The following CDK6 variants were observed in gnomAD, a reference collection of about 807,000 sequenced individuals.
CDK6 encodes cyclin dependent kinase 6, also known as cyclin-dependent kinase 6.
A neutral mutation model predicts 37.1 loss-of-function variants in CDK6; 6 were observed. The ratio of observed to expected loss-of-function variants is 0.16; its 90% CI spans 0.09 to 0.32. CDK6 has a LOEUF of 0.32. CDK6 is among the 10% of genes least tolerant of loss of function. The pLI is 1.00. For synonymous variants in CDK6, 160 were observed against 161.3 expected (o/e 0.99, Z 0.06); for missense variants, 224 against 418.9 (o/e 0.53, Z 4.06).
chr7:92,739,097 T>C (rs995293874), intron 3 of CDK6, among the ~76,000 whole-genome samples: 2 of 152,172 alleles, frequency 1.3e-5, no homozygotes, highest in Non-Finnish European at 2.9e-5. Context: ...CTTCTCTGGG[T>C]CTCTAGTAAG....
At chr7:92,688,412 C>T (rs1297188780) in intron 4 of CDK6, among the ~76,000 whole-genome samples, 2 of 152,144 alleles carry the variant, frequency 1.3e-5, no homozygotes, top group African/African-American at 4.8e-5. Flanking sequence ...TCATTTGTGA[C>T]TAACATTTTA....
At position 92,833,754 on chromosome 7, in the gene CDK6, G is replaced by C. The variant is rs1200808217; in HGVS notation, c.-367-64C>G. ...CAGACAGCCCAGAAGCCTTCCTCGGGGTTCCTCCAGACTCCCCTCCTCCTC... is the reference window on the plus strand; with the variant it reads ...CAGACAGCCCAGAAGCCTTCCTCGGCGTTCCTCCAGACTCCCCTCCTCCTC... On this transcript the variant is annotated intron_variant, in intron 1 of 7. Coordinates refer to ENST00000424848, the MANE Select transcript of CDK6 (RefSeq NM_001145306.2). This position sits in a 1 kb window ranked among gnomAD's most constrained non-coding sequence, Gnocchi z 6.1. 4 of 410,226 alleles carry C rather than the reference G, an allele frequency of 9.8e-6. No individual in the cohort carries two copies. The East Asian group carries it at 1.4e-4, about 15-fold the overall frequency. The allele number at this position is 410,226 out of a possible 1,614,324, so 25.4% of individuals were successfully genotyped here.
Position 92,672,134 on chromosome 7 carries a change from CATAT to C in CDK6, c.538-603_538-600del, listed in dbSNP as rs372523914. On this transcript the variant is annotated intron_variant, in intron 4 of 7. Transcript: ENST00000424848. ...AACCACTTGTACCCCAAAAGCTGTA[CATAT>C]ATATATATATATATATATATATACA... is the stretch of plus-strand genomic sequence containing the variant. Among the ~76,000 whole-genome samples the C allele has an allele frequency of 2.1e-3, 140 of 65,408 alleles. 5 individuals carry two copies. Among genetic ancestry groups the C allele is most frequent in the African/African-American group, 7.4e-3 (105 of 14,136 alleles). The allele number at this position is 65,408 out of a possible 152,430, so 42.9% of individuals were successfully genotyped here. A position where few individuals can be genotyped will look rare whatever the true frequency, so the allele number is the denominator to read the frequency against.
chr7:92,628,811 C>G (rs1282213132), intron 5 of CDK6, among the ~76,000 whole-genome samples: 1 of 152,068 alleles, frequency 6.6e-6, no homozygotes, highest in Non-Finnish European at 1.5e-5. Flanking sequence ...GGCTGGCTGA[C>G]AATTATTCTC....
intron 2 of CDK6, among the ~76,000 whole-genome samples, chr7:92,824,094 C>T (rs1801249428): frequency 6.7e-6 from 1 of 149,750 alleles, no homozygotes; most frequent in African/African-American, 2.5e-5. Context: ...TCATTAGGAA[C>T]ACCTACCACA....
chr7:92,669,765 C>A (rs1797034260), intron 5 of CDK6, among the ~76,000 whole-genome samples: 1 of 152,218 alleles, frequency 6.6e-6, no homozygotes, highest in Non-Finnish European at 1.5e-5. Flanking sequence ...AAGGGAGAGG[C>A]CTGGGAGCCA....
chr7:92,780,933 C>CA (rs149887729), intron 2 of CDK6, among the ~76,000 whole-genome samples: 1,643 of 152,060 alleles, frequency 0.011, 34 homozygotes, highest in African/African-American at 0.038. Context: ...TGTAACCTGA[C>CA]AAAAATACCA....
At chr7:92,801,347 C>G (rs1006113852) in intron 2 of CDK6, among the ~76,000 whole-genome samples, 16 of 152,120 alleles carry the variant, frequency 1.1e-4, no homozygotes, top group Admixed American at 1.0e-3. Flanking sequence ...AAGAAATGAA[C>G]TGGAAAAATT....
At chr7:92,820,848 A>G (rs1432028770) in intron 2 of CDK6, among the ~76,000 whole-genome samples, 1 of 152,124 alleles carries the variant, frequency 6.6e-6, no homozygotes, top group Non-Finnish European at 1.5e-5. Context: ...AGTGAAAAGA[A>G]GCTGTATCTG....
At chr7:92,807,418 A>G (rs2115925516) in intron 2 of CDK6, among the ~76,000 whole-genome samples, 1 of 151,696 alleles carries the variant, frequency 6.6e-6, no homozygotes, top group African/African-American at 2.4e-5. Flanking sequence ...ATCTAGATAT[A>G]GATAGATATA....
rs1486645883 is a variant in CDK6, at chr7:92,758,590, T to TAAA, written c.369+16105_369+16106insTTT. Among the ~76,000 whole-genome samples the TAAA allele has an allele frequency of 5.4e-4, 83 of 152,296 alleles. 1 individual carries two copies. The South Asian group carries it at 0.017, about 31-fold the overall frequency. On this transcript the variant is annotated intron_variant, in intron 3 of 7. Coordinates refer to ENST00000424848, the MANE Select transcript of CDK6 (RefSeq NM_001145306.2). ...ATGATGCCTCCAGCTTTGTTCTTTT[T>TAAA]GCTTAGGATTGCCTTGGCTATTCAG...
At chr7:92,716,394 G>T (rs1219195152) in intron 4 of CDK6, among the ~76,000 whole-genome samples, 2 of 152,188 alleles carry the variant, frequency 1.3e-5, no homozygotes, top group East Asian at 3.8e-4. Context: ...TAGAGTTACA[G>T]TTCATTCTCT....
intron 2 of CDK6, among the ~76,000 whole-genome samples, chr7:92,825,204 A>G (rs1801278940): frequency 6.6e-6 from 1 of 152,152 alleles, no homozygotes; most frequent in East Asian, 1.9e-4. Flanking sequence ...AAAGCGTTGA[A>G]TATAACAGAT....
Position 92,609,873 on chromosome 7 carries a change from T to TTAAGAACA in CDK6, c.*5266_*5267insTGTTCTTA, listed in dbSNP as rs1795523850. On this transcript the variant is annotated 3_prime_UTR_variant, in exon 8 of 8. Transcript: ENST00000424848. ...ACTTAAATGATCAAAATGGGTGTAT[T>TTAAGAACA]ATCCATCCTTAAGAACAATTTATTT... 4.3e-6 allele frequency: 1 copy of TTAAGAACA among 230,666 alleles called. No homozygotes were observed. Among genetic ancestry groups the TTAAGAACA allele is most frequent in the East Asian group, 6.2e-5 (1 of 16,114 alleles). 14.3% of individuals were successfully genotyped at this position (230,666 alleles called of 1,614,324 possible).
At chr7:92,707,668 T>C (rs543160158) in intron 4 of CDK6, among the ~76,000 whole-genome samples, 1 of 152,368 alleles carries the variant, frequency 6.6e-6, no homozygotes, top group East Asian at 1.9e-4. Flanking sequence ...CACAAATACC[T>C]GATGAGATAT....
At position 92,744,660 on chromosome 7, in the gene CDK6, T is replaced by C. The variant is rs566771017; in HGVS notation, c.370-18867A>G. Among the ~76,000 whole-genome samples the C allele has an allele frequency of 3.3e-5, 5 of 152,356 alleles. No individual in the cohort carries two copies. The South Asian group carries it at 8.3e-4, about 25-fold the overall frequency. On this transcript the variant is annotated intron_variant, in intron 3 of 7. Transcript: ENST00000424848. ...TACACTATTAATCAGGTAATATGCA[T>C]GTGTGTAACTGCTTTGAAAAGTAAA... is the stretch of plus-strand genomic sequence containing the variant.
At chr7:92,662,473 T>C (rs1796861853) in intron 5 of CDK6, among the ~76,000 whole-genome samples, 2 of 152,208 alleles carry the variant, frequency 1.3e-5, no homozygotes, top group Admixed American at 1.3e-4. Context: ...ACGTGTGCTC[T>C]AGTTGCTCTT....
chr7:92,746,826 T>C (rs1481800587), intron 3 of CDK6, among the ~76,000 whole-genome samples: 1 of 152,200 alleles, frequency 6.6e-6, no homozygotes, highest in Non-Finnish European at 1.5e-5. Context: ...TTCATTTCTC[T>C]TATTGTAGTG....
At chr7:92,829,305 CA>C (rs1473091173) in intron 2 of CDK6, among the ~76,000 whole-genome samples, 3 of 152,128 alleles carry the variant, frequency 2.0e-5, no homozygotes, top group Admixed American at 6.5e-5. Flanking sequence ...AATATTTAAA[CA>C]TCACAAGTTT....
Sources: gnomAD v4.1 joint callset for allele counts (sites outside exome capture counted in the v4.1 genomes callset) on GRCh38, gnomAD v4.1.1 for gene constraint, Gnocchi (gnomAD v3.1) non-coding constraint, MANE v1.5 for transcripts, NCBI Gene and HGNC (gene_info 2026-07-23, HGNC 2026-07-21) for gene names.